VPS13B: variants seen among roughly 807,000 people sequenced by gnomAD.
The protein encoded by VPS13B is vacuolar protein sorting 13 homolog B, also known as intermembrane lipid transfer protein VPS13B.
A neutral mutation model predicts 426.4 loss-of-function variants in VPS13B; 285 were observed. That is an observed-to-expected ratio of 0.67 (90% CI 0.61 to 0.74). VPS13B has a LOEUF of 0.74. VPS13B is among the 30% of genes least tolerant of loss of function. The probability of loss-of-function intolerance (pLI) is 0.00; values close to 1 mark genes in which losing one functional copy is unlikely to be tolerated. For missense variants in VPS13B, 4,537 were observed against 4,782.6 expected, an observed-to-expected ratio of 0.95 and a Z score of 1.51; for synonymous variants, 1,676 against 1,676.4, an observed-to-expected ratio of 1.00 and a Z score of 0.01.
intron 33 of VPS13B, among the ~76,000 whole-genome samples, chr8:99,623,192 T>C (rs1391714110): frequency 6.6e-6 from 1 of 152,182 alleles, no homozygotes; most frequent in East Asian, 1.9e-4. Flanking sequence ...TTGCTGTTCC[T>C]TGAGCATGTC....
At chr8:99,608,862 T>C (rs1480368223) in intron 33 of VPS13B, among the ~76,000 whole-genome samples, 1 of 152,134 alleles carries the variant, frequency 6.6e-6, no homozygotes, top group African/African-American at 2.4e-5. Flanking sequence ...TTTTATTGTA[T>C]AGATATATAC....
chr8:99,220,800 T>TTA lies in VPS13B; in HGVS notation c.2515+27743_2515+27744insTA, dbSNP rs57170355. Among the ~76,000 whole-genome samples, 618 of 132,860 alleles carry TTA rather than the reference T, an allele frequency of 4.7e-3. 7 individuals carry two copies. Among genetic ancestry groups the TTA allele is most frequent in the Non-Finnish European group, 7.8e-3 (477 of 60,792 alleles). The allele number at this position is 132,860 out of a possible 152,430, so 87.2% of individuals were successfully genotyped here. On this transcript the variant is annotated intron_variant, in intron 17 of 61. Coordinates refer to ENST00000357162, the MANE Select transcript of VPS13B (RefSeq NM_152564.5). ...TTATTCTTTTTTTTTTTTTTTTTTTTATTATACTCTAAGTTTTAGGGTACA... is the reference window on the plus strand; with the variant it reads ...TTATTCTTTTTTTTTTTTTTTTTTTTTAATTATACTCTAAGTTTTAGGGTACA...
intron 35 of VPS13B, among the ~76,000 whole-genome samples, chr8:99,664,295 G>A (rs1037240230): frequency 5.3e-5 from 8 of 151,018 alleles, no homozygotes; most frequent in South Asian, 2.1e-4. Flanking sequence ...ATGAGCCACC[G>A]TGCCCAGCCA....
chr8:99,854,175 A>G lies in VPS13B; in HGVS notation c.10786A>G (p.Arg3596Gly). The change falls in exon 56 of 62, where the codon AGA (arginine) becomes GGA (glycine). Residue 3596 changes from arginine (R) to glycine (G), a missense_variant. Around this residue, in one of 2 missense-constraint regions of VPS13B, gnomAD observed 4,311 missense variants for 4,474.3 expected, o/e 0.96. Transcript: ENST00000357162. ...HTPLSFSVFE[R>G]GPIFTTARQL... ...TCCTCTCTCCTTCTCGGTGTTTGAA[A>G]GAGGACCCATCTTCACCACTGCGAG... 1 of 1,614,018 alleles carries G rather than the reference A, an allele frequency of 6.2e-7. No homozygotes were observed. Among genetic ancestry groups the G allele is most frequent in the Non-Finnish European group, 8.5e-7 (1 of 1,180,020 alleles).
At chr8:99,531,576 C>G (rs1822938825) in intron 30 of VPS13B, among the ~76,000 whole-genome samples, 1 of 151,930 alleles carries the variant, frequency 6.6e-6, no homozygotes, top group Non-Finnish European at 1.5e-5. Flanking sequence ...CCATTGTATA[C>G]TTACATATCA....
At chr8:99,545,080 C>G (rs1400665964) in intron 30 of VPS13B, among the ~76,000 whole-genome samples, 1 of 152,134 alleles carries the variant, frequency 6.6e-6, no homozygotes, top group African/African-American at 2.4e-5. Flanking sequence ...TCTATGCCCA[C>G]CACCTTCCTC....
intron 17 of VPS13B, among the ~76,000 whole-genome samples, chr8:99,251,268 CT>C (rs1817493435): frequency 6.6e-6 from 1 of 152,132 alleles, no homozygotes; most frequent in Admixed American, 6.5e-5. Context: ...AACATTCAGT[CT>C]TTTACTATTA....
chr8:99,851,198 C>T (rs1456087701), intron 55 of VPS13B, among the ~76,000 whole-genome samples: 1 of 152,142 alleles, frequency 6.6e-6, no homozygotes, highest in Admixed American at 6.5e-5. Context: ...ACAATAGAAG[C>T]AAACTTTCAT....
intron 3 of VPS13B, among the ~76,000 whole-genome samples, chr8:99,065,833 A>G (rs1437657145): frequency 6.6e-6 from 1 of 152,236 alleles, no homozygotes; most frequent in East Asian, 1.9e-4. Flanking sequence ...TCAATGTGCA[A>G]AAATCACAAG....
intron 33 of VPS13B, among the ~76,000 whole-genome samples, chr8:99,606,618 C>CTTTTTTT (rs1827594551): frequency 7.0e-6 from 1 of 142,272 alleles, no homozygotes; most frequent in Non-Finnish European, 1.5e-5. Context: ...TTTTCTTTTT[C>CTTTTTTT]TTTTTCTTTT....
intron 16 of VPS13B, among the ~76,000 whole-genome samples, chr8:99,191,890 C>T (rs1464323530): frequency 3.3e-5 from 5 of 152,008 alleles, no homozygotes; most frequent in South Asian, 2.1e-4. Flanking sequence ...TCCATAGCAG[C>T]GGCCAGAATA....
Position 99,577,671 on chromosome 8 carries a change from T to G in VPS13B, c.5220+38T>G, listed in dbSNP as rs1239817273. ...TGATTTTGATCAGGCTTACTGCATT[T>G]GTTCCAACTTTACATTCACAGTAGG... On this transcript the variant is annotated intron_variant, in intron 33 of 61. Transcript: ENST00000357162. 4 of 1,610,920 alleles carry G rather than the reference T, an allele frequency of 2.5e-6. No individual in the cohort carries two copies. The African/African-American group carries it at 4.0e-5, about 16-fold the overall frequency.
chr8:99,758,893 C>T (rs1454614733), intron 39 of VPS13B, among the ~76,000 whole-genome samples: 1 of 152,116 alleles, frequency 6.6e-6, no homozygotes, highest in Non-Finnish European at 1.5e-5. Context: ...TTCACCATTG[C>T]GACCCTCTGA....
intron 30 of VPS13B, among the ~76,000 whole-genome samples, chr8:99,550,719 T>C (rs1460447903): frequency 1.3e-5 from 2 of 152,092 alleles, no homozygotes; most frequent in African/African-American, 4.8e-5. Flanking sequence ...CCACTTGAAC[T>C]GCATCCTACA....
intron 23 of VPS13B, among the ~76,000 whole-genome samples, chr8:99,458,485 A>T (rs1818637282): frequency 6.6e-6 from 1 of 152,128 alleles, no homozygotes; most frequent in Non-Finnish European, 1.5e-5. Context: ...ATCCCTGAGG[A>T]ATCGCCACAC....
chr8:99,252,689 A>G (rs1268318897), intron 17 of VPS13B, among the ~76,000 whole-genome samples: 1 of 152,004 alleles, frequency 6.6e-6, no homozygotes, highest in Non-Finnish European at 1.5e-5. Flanking sequence ...TGCTTCACAT[A>G]TTTTATAGCT....
chr8:99,388,935 G>A (rs1221318545), intron 20 of VPS13B, among the ~76,000 whole-genome samples: 1 of 152,212 alleles, frequency 6.6e-6, no homozygotes, highest in African/African-American at 2.4e-5. Flanking sequence ...TGGATCATGA[G>A]GTCAGGAGTT....
intron 36 of VPS13B, among the ~76,000 whole-genome samples, chr8:99,700,679 T>C (rs1832232326): frequency 6.6e-6 from 1 of 152,216 alleles, no homozygotes; most frequent in African/African-American, 2.4e-5. Flanking sequence ...ATCTACATTT[T>C]CCACTTCTGT....
chr8:99,798,243 A>G (rs1293739994), intron 43 of VPS13B, among the ~76,000 whole-genome samples: 1 of 150,688 alleles, frequency 6.6e-6, no homozygotes, highest in African/African-American at 2.4e-5. Context: ...AAAAAAAAAA[A>G]GGTAGTCTGT....
Sources: gnomAD v4.1 joint callset for allele counts (sites outside exome capture counted in the v4.1 genomes callset) on GRCh38, gnomAD v4.1.1 for gene constraint, gnomAD v4.1.1 regional missense constraint, MANE v1.5 for transcripts, NCBI Gene and HGNC (gene_info 2026-07-23, HGNC 2026-07-21) for gene names.